The following LUZP2 variants were observed in gnomAD, a reference collection of about 807,000 sequenced individuals.
The protein encoded by LUZP2 is leucine zipper protein 2.
LUZP2 carries 52 observed loss-of-function variants against 51.6 expected under a neutral mutation model. The observed-to-expected ratio is 1.01, with a 90% CI of 0.81 to 1.27. The LOEUF (loss-of-function observed/expected upper bound fraction) is 1.27, where lower values mean the gene tolerates loss of function less well. Among genes scored for constraint, LUZP2 ranks in the 50% most tolerant of loss-of-function variants. The probability of loss-of-function intolerance (pLI) is 0.00; values close to 1 mark genes in which losing one functional copy is unlikely to be tolerated. For missense variants in LUZP2, 436 were observed against 395.4 expected (o/e 1.10, Z -0.87); for synonymous variants, 154 against 137.3 (o/e 1.12, Z -0.85).
intron 1 of LUZP2, among the ~76,000 whole-genome samples, chr11:24,653,873 T>C (rs192209522): frequency 9.9e-5 from 15 of 152,280 alleles, no homozygotes; most frequent in African/African-American, 3.6e-4. Flanking sequence ...TTGGTTTTAG[T>C]AGTCAAGAGG....
In LUZP2 at chr11:24,973,627, TTTGGTACA is replaced by T. The variant is rs771486623; in HGVS notation, c.523-2960_523-2953del. ...TTTGCTATAGCTGCATCCCAGAGAT[TTTGGTACA>T]TTGTCTCATTAGTTTTAAATAACTT... On this transcript the variant is annotated intron_variant, in intron 7 of 11. Transcript: ENST00000336930. 3.9e-4 allele frequency among the ~76,000 whole-genome samples: 59 copies of T among 151,976 alleles called. 1 individual carries two copies. The highest frequency in any genetic ancestry group is 7.8e-4 in the Non-Finnish European group (53 of 67,966).
intron 9 of LUZP2, among the ~76,000 whole-genome samples, chr11:25,041,370 C>G (rs1159725586): frequency 1.3e-5 from 2 of 151,824 alleles, no homozygotes; most frequent in South Asian, 2.1e-4. Context: ...CTTTCTTACT[C>G]TCTCTCTCTC....
rs149838012 is a variant in LUZP2, at chr11:24,874,119, G to A, written c.397-31872G>A. On this transcript the variant is annotated intron_variant, in intron 5 of 11. Coordinates refer to ENST00000336930, the MANE Select transcript of LUZP2 (RefSeq NM_001009909.4). ...CAGTGGTTTTAAAGCTTGTGTGTGC[G>A]TAAGACTCACCTGGGAACAATGCTA... Among the ~76,000 whole-genome samples, 389 of 152,212 alleles carry A rather than the reference G, an allele frequency of 2.6e-3. 2 individuals carry two copies. Among genetic ancestry groups the A allele is most frequent in the Admixed American group, 0.011 (173 of 15,280 alleles).
chr11:24,877,881 T>C (rs1379531231), intron 5 of LUZP2, among the ~76,000 whole-genome samples: 5 of 152,172 alleles, frequency 3.3e-5, no homozygotes, highest in African/African-American at 1.2e-4. Flanking sequence ...GTGCCTGGCT[T>C]ATTTTACTTA....
chr11:24,769,364 A>G (rs190469724), intron 5 of LUZP2, among the ~76,000 whole-genome samples: 2 of 152,288 alleles, frequency 1.3e-5, no homozygotes, highest in Admixed American at 1.3e-4. Context: ...TATGTATTTC[A>G]AAATAGTTAG....
At chr11:24,787,567 A>G (rs1373780912) in intron 5 of LUZP2, among the ~76,000 whole-genome samples, 1 of 152,094 alleles carries the variant, frequency 6.6e-6, no homozygotes, top group Non-Finnish European at 1.5e-5. Context: ...GCAGTGATTG[A>G]CTGTAGAGTT....
At chr11:24,616,020 T>G (rs1373237591) in intron 1 of LUZP2, among the ~76,000 whole-genome samples, 1 of 151,738 alleles carries the variant, frequency 6.6e-6, no homozygotes, top group Non-Finnish European at 1.5e-5. Flanking sequence ...TTGCCTTTTT[T>G]TTTTCTTTTA....
chr11:24,983,193 C>T lies in LUZP2; in HGVS notation c.665C>T (p.Pro222Leu), dbSNP rs866947087. 1.2e-6 allele frequency: 2 copies of T among 1,612,148 alleles called. No individual in the cohort carries two copies. Among genetic ancestry groups the T allele is most frequent in the East Asian group, 2.2e-5 (1 of 44,828 alleles). ...TTGACATCTGTTTTCCGTGATCAGC[C>T]TCCTCCCCCTTTGAGTTTAATCACA... ...LCLTSVFRDQ[P>L]PPPLSLITSN... The change falls in exon 9 of 12, where the codon CCT becomes CTT. Residue 222 changes from proline (P) to leucine (L), a missense_variant. Transcript: ENST00000336930.
chr11:24,941,447 G>A lies in LUZP2; in HGVS notation c.522+26909G>A, dbSNP rs76806244. 7.6e-3 allele frequency among the ~76,000 whole-genome samples: 1,159 copies of A among 152,256 alleles called. 17 individuals carry two copies. Among genetic ancestry groups the A allele is most frequent in the South Asian group, 0.045 (217 of 4,830 alleles). ...CTGCAAGTTAGAGTTTATCAGCTGT[G>A]TCAAGCAGAAATTAATTCATTCAAC... is the stretch of plus-strand genomic sequence containing the variant. On this transcript the variant is annotated intron_variant, in intron 7 of 11. Coordinates refer to ENST00000336930, the MANE Select transcript of LUZP2 (RefSeq NM_001009909.4).
intron 1 of LUZP2, among the ~76,000 whole-genome samples, chr11:24,708,116 C>A (rs188152828): frequency 6.6e-6 from 1 of 151,894 alleles, no homozygotes; most frequent in African/African-American, 2.4e-5. Context: ...AGCAGGTGAT[C>A]GAAAAAGTTG....
intron 1 of LUZP2, among the ~76,000 whole-genome samples, chr11:24,538,689 T>C (rs77259203): frequency 2.0e-4 from 31 of 151,338 alleles, no homozygotes; most frequent in African/African-American, 7.3e-4. Context: ...TATAAAACTT[T>C]CAAAAAAATA....
At chr11:24,972,109 C>A (rs1361994347) in intron 7 of LUZP2, among the ~76,000 whole-genome samples, 1 of 130,446 alleles carries the variant, frequency 7.7e-6, no homozygotes, top group Non-Finnish European at 1.5e-5. Flanking sequence ...CTACTGCACT[C>A]CAGCCTGGGT....
At chr11:25,025,082 T>C (rs1033048791) in intron 9 of LUZP2, among the ~76,000 whole-genome samples, 3 of 152,188 alleles carry the variant, frequency 2.0e-5, no homozygotes, top group Non-Finnish European at 4.4e-5. Context: ...CTGGGTAAAT[T>C]GCCTAGCCAT....
At chr11:25,064,699 A>G (rs1020527774) in intron 10 of LUZP2, among the ~76,000 whole-genome samples, 2 of 151,894 alleles carry the variant, frequency 1.3e-5, no homozygotes, top group Non-Finnish European at 2.9e-5. Context: ...TTTCCAGTTC[A>G]TTTGATTTTG....
chr11:24,512,215 G>A (rs908050686), intron 1 of LUZP2, among the ~76,000 whole-genome samples: 1 of 152,194 alleles, frequency 6.6e-6, no homozygotes, highest in African/African-American at 2.4e-5. Flanking sequence ...TGTGGTGGTT[G>A]TCACAGGCTG....
At chr11:24,815,714 T>C (rs972929008) in intron 5 of LUZP2, among the ~76,000 whole-genome samples, 4 of 152,146 alleles carry the variant, frequency 2.6e-5, no homozygotes, top group African/African-American at 7.2e-5. Flanking sequence ...ATCAACTTCC[T>C]TGGAAAGCTG....
chr11:24,919,271 A>G (rs1271672898), intron 7 of LUZP2, among the ~76,000 whole-genome samples: 7 of 91,822 alleles, frequency 7.6e-5, no homozygotes, highest in African/African-American at 2.7e-4. Context: ...TATATATGAC[A>G]TATATTGATA....
At chr11:24,856,512 A>G (rs1317359578) in intron 5 of LUZP2, among the ~76,000 whole-genome samples, 1 of 152,040 alleles carries the variant, frequency 6.6e-6, no homozygotes, top group African/African-American at 2.4e-5. Context: ...TCTATAGAAA[A>G]CTTAAAATAT....
intron 1 of LUZP2, among the ~76,000 whole-genome samples, chr11:24,675,780 C>CT (rs200633043): frequency 7.6e-5 from 11 of 144,570 alleles, no homozygotes; most frequent in East Asian, 4.1e-4. Flanking sequence ...TTTCATATTT[C>CT]TTTTTTTTAT....
Sources: gnomAD v4.1 joint callset for allele counts (sites outside exome capture counted in the v4.1 genomes callset) on GRCh38, gnomAD v4.1.1 for gene constraint, MANE v1.5 for transcripts, NCBI Gene and HGNC (gene_info 2026-07-23, HGNC 2026-07-21) for gene names.